Variants in NUCB1 observed in about 807,000 individuals in gnomAD.
NUCB1 encodes the protein nucleobindin-1.
In NUCB1, 47 loss-of-function variants were observed where a neutral mutation model predicts 61.2. The ratio of observed to expected loss-of-function variants is 0.77; its 90% CI spans 0.61 to 0.98. The LOEUF (loss-of-function observed/expected upper bound fraction) is 0.98. Ranked by LOEUF, NUCB1 falls within the 50% of genes least tolerant of loss-of-function variation. The probability of loss-of-function intolerance (pLI) is 0.00; values close to 1 mark genes in which losing one functional copy is unlikely to be tolerated. For missense variants in NUCB1, 583 were observed against 605.3 expected, an observed-to-expected ratio of 0.96 and a Z score of 0.39; for synonymous variants, 234 against 243.1, an observed-to-expected ratio of 0.96 and a Z score of 0.35.
At chr19:48,914,143 C>T (rs763080194) in intron 7 of NUCB1, among the ~76,000 whole-genome samples, 37 of 151,534 alleles carry the variant, frequency 2.4e-4, no homozygotes, top group Non-Finnish European at 4.0e-4. Context: ...GCCCGGCTAA[C>T]TTTTGTATTT....
At chr19:48,917,749 G>T (rs1424339991) in intron 7 of NUCB1, among the ~76,000 whole-genome samples, 1 of 151,684 alleles carries the variant, frequency 6.6e-6, no homozygotes, top group Non-Finnish European at 1.5e-5. Context: ...TCCTGCCTCG[G>T]CCTCCCAAAG....
chr19:48,921,072 C>G, intron 10 of NUCB1, 82 bp from the exon 11 acceptor site: 3 of 1,455,318 alleles, frequency 2.1e-6, no homozygotes, highest in Non-Finnish European at 2.8e-6. Flanking sequence ...CTCTACACCT[C>G]CCCCATTGGC....
At position 48,918,694 on chromosome 19, in the gene NUCB1, C is replaced by T. The variant is rs1555792144; in HGVS notation, c.758-32C>T. On this transcript the variant is annotated intron_variant, in intron 7 of 12. Coordinates refer to ENST00000405315, the MANE Select transcript of NUCB1 (RefSeq NM_006184.6). ...ACCTTACACATCCCGTCCTCGGTCCCCTGAGATACCTTGCTATCCTCTTCC... is the reference window on the plus strand; with the variant it reads ...ACCTTACACATCCCGTCCTCGGTCCTCTGAGATACCTTGCTATCCTCTTCC... 16 of 1,594,396 alleles carry T rather than the reference C, an allele frequency of 1.0e-5. No individual in the cohort carries two copies. In the South Asian group the frequency reaches 1.7e-4, roughly 16 times the overall value.
At chr19:48,918,827 A>G in intron 8 of NUCB1, 43 bp downstream of exon 8, 1 of 1,565,844 alleles carries the variant, frequency 6.4e-7, no homozygotes, top group Non-Finnish European at 8.8e-7. Context: ...GGACGCCCAA[A>G]TCAGCCACTT....
intron 10 of NUCB1, among the ~76,000 whole-genome samples, chr19:48,920,803 G>A (rs1473504703): frequency 6.6e-6 from 1 of 152,086 alleles, no homozygotes; most frequent in Non-Finnish European, 1.5e-5. Context: ...GATTACAGGT[G>A]TGAGCCATGG....
intron 3 of NUCB1, 37 bp downstream of exon 3, chr19:48,904,491 G>A (rs571030340): frequency 5.9e-5 from 78 of 1,332,518 alleles, no homozygotes; most frequent in Non-Finnish European, 7.7e-5. Flanking sequence ...GGAGGGGTAC[G>A]TGCTGGGAGG....
intron 2 of NUCB1, among the ~76,000 whole-genome samples, chr19:48,902,017 A>G (rs1463375331): frequency 6.6e-6 from 1 of 152,116 alleles, no homozygotes; most frequent in Non-Finnish European, 1.5e-5. Context: ...TGCATGCCCC[A>G]TGCCCATGGA....
chr19:48,904,567 C>G lies in NUCB1; in HGVS notation c.243+113C>G, dbSNP rs930999493. On this transcript the variant is annotated intron_variant, in intron 3 of 12. Transcript: ENST00000405315. The stretch of plus-strand genomic sequence containing the variant: ...TGAGACGGAGTCTTGCTCTGTCACC[C>G]AGGCTGGAGTGCGATGGTGCGATCT... 2.1e-5 allele frequency: 14 copies of G among 659,628 alleles called. No individual in the cohort carries two copies. The South Asian group carries it at 2.6e-4, about 12-fold the overall frequency. The allele number at this position is 659,628 out of a possible 1,614,324, so 40.9% of individuals were successfully genotyped here.
chr19:48,906,197 G>C (rs918021145), intron 4 of NUCB1, among the ~76,000 whole-genome samples: 31 of 152,192 alleles, frequency 2.0e-4, no homozygotes, highest in Middle Eastern at 3.4e-3. Context: ...CCTGAGGTCG[G>C]GAATTGGAGA....
intron 7 of NUCB1, among the ~76,000 whole-genome samples, chr19:48,916,447 A>G (rs1157138394): frequency 6.6e-6 from 1 of 151,644 alleles, no homozygotes; most frequent in Non-Finnish European, 1.5e-5. Flanking sequence ...GCACAAACCC[A>G]TCTCTACAAA....
chr19:48,919,295 A>T lies in NUCB1; in HGVS notation c.1002+9A>T. Reference sequence around the variant, plus strand: ...CCGGGGAGGGCTGGGAGGTGAGAACATGGGGGATACTCGGGGTCCTGAACC... The same window carrying T: ...CCGGGGAGGGCTGGGAGGTGAGAACTTGGGGGATACTCGGGGTCCTGAACC... On this transcript the variant is annotated intron_variant, in intron 10 of 12. Coordinates refer to ENST00000405315, the MANE Select transcript of NUCB1 (RefSeq NM_006184.6). The T allele has an allele frequency of 6.2e-7, 1 of 1,604,900 alleles. No homozygotes were observed. Among genetic ancestry groups the T allele is most frequent in the Non-Finnish European group, 8.5e-7 (1 of 1,171,938 alleles).
intron 2 of NUCB1, among the ~76,000 whole-genome samples, chr19:48,903,426 GTGGATGAGTGGA>G (rs1568583056): frequency 2.1e-3 from 239 of 111,746 alleles, no homozygotes; most frequent in African/African-American, 3.5e-3. Flanking sequence ...GGATGGGTGG[GTGGATGAGTGGA>G]TGGATGGATG....
intron 4 of NUCB1, chr19:48,910,877 T>C: frequency 3.7e-6 from 1 of 271,306 alleles, no homozygotes; most frequent in Non-Finnish European, 7.2e-6. Flanking sequence ...TTGTGGAAAG[T>C]GAATGAATTA....
At chr19:48,908,725 T>G (rs78994034) in intron 4 of NUCB1, among the ~76,000 whole-genome samples, 1,395 of 83,796 alleles carry the variant, frequency 0.017, 21 homozygotes, top group African/African-American at 0.039. Flanking sequence ...CCAAGGGGTG[T>G]GTGTGTGTGT....
At position 48,919,182 on chromosome 19, in the gene NUCB1, C is replaced by T; in HGVS notation, c.910-12C>T. 1 of 1,614,062 alleles carries T rather than the reference C, an allele frequency of 6.2e-7. No homozygotes were observed. Among genetic ancestry groups the T allele is most frequent in the East Asian group, 2.2e-5 (1 of 44,876 alleles). Reference sequence around the variant, plus strand: ...CCCCAGCTCTGTCACTCACCCTTATCTGGCTCCCCAGGTGGACACCAACCA... The same window carrying T: ...CCCCAGCTCTGTCACTCACCCTTATTTGGCTCCCCAGGTGGACACCAACCA... On this transcript the variant is annotated splice_polypyrimidine_tract_variant and intron_variant, in intron 9 of 12. Coordinates refer to ENST00000405315, the MANE Select transcript of NUCB1 (RefSeq NM_006184.6).
intron 4 of NUCB1, among the ~76,000 whole-genome samples, chr19:48,909,637 G>T (rs1442315902): frequency 2.0e-5 from 3 of 151,950 alleles, no homozygotes; most frequent in Non-Finnish European, 4.4e-5. Context: ...CCCCTCCCAC[G>T]CTCAAGTGAT....
chr19:48,920,540 C>T (rs1052840619), intron 10 of NUCB1, among the ~76,000 whole-genome samples: 2 of 151,980 alleles, frequency 1.3e-5, no homozygotes, highest in East Asian at 1.9e-4. Flanking sequence ...GTTTATTTTT[C>T]AATACAGAGT....
intron 4 of NUCB1, among the ~76,000 whole-genome samples, chr19:48,908,114 C>T (rs1186700956): frequency 6.6e-6 from 1 of 152,074 alleles, no homozygotes; most frequent in African/African-American, 2.4e-5. Context: ...CTGGGTGCTC[C>T]AAGAGGCAGA....
chr19:48,913,680 C>A, intron 7 of NUCB1, 116 bp downstream of exon 7: 1 of 750,094 alleles, frequency 1.3e-6, no homozygotes, highest in Non-Finnish European at 2.3e-6. Context: ...GCCCAAGAGC[C>A]AAGCCTATGT....
Sources: allele counts gnomAD v4.1 joint callset (sites outside exome capture counted in the v4.1 genomes callset), GRCh38; gene constraint gnomAD v4.1.1; transcripts MANE v1.5; gene names NCBI Gene and HGNC (gene_info 2026-07-23, HGNC 2026-07-21).